NEK7: variants seen among roughly 807,000 people sequenced by gnomAD.
The protein encoded by NEK7 is serine/threonine-protein kinase Nek7.
Under a neutral mutation model 44.6 loss-of-function variants are expected in NEK7, and 18 were observed. That is an observed-to-expected ratio of 0.40 (90% CI 0.28 to 0.60). The LOEUF (loss-of-function observed/expected upper bound fraction) is 0.60, where lower values mean the gene tolerates loss of function less well. NEK7 is among the 20% of genes least tolerant of loss of function. The pLI, the probability that NEK7 is intolerant of heterozygous loss-of-function variation, is 0.38. For synonymous variants in NEK7, 130 were observed against 121.1 expected, an observed-to-expected ratio of 1.07 and a Z score of -0.48; for missense variants, 256 against 366.5, an observed-to-expected ratio of 0.70 and a Z score of 2.46.
chr1:198,160,203 C>T (rs1045868474), intron 1 of NEK7, among the ~76,000 whole-genome samples: 1 of 152,022 alleles, frequency 6.6e-6, no homozygotes, highest in South Asian at 2.1e-4. Flanking sequence ...TTCAGGGTAC[C>T]TGAGAACTGG....
intron 1 of NEK7, among the ~76,000 whole-genome samples, chr1:198,184,537 T>C (rs1664860292): frequency 6.6e-6 from 1 of 152,216 alleles, no homozygotes; most frequent in African/African-American, 2.4e-5. Flanking sequence ...TGATGTTTGA[T>C]TTAATAATTC....
intron 3 of NEK7, among the ~76,000 whole-genome samples, chr1:198,256,799 T>G (rs759844981): frequency 6.6e-6 from 1 of 152,190 alleles, no homozygotes; most frequent in Non-Finnish European, 1.5e-5. Flanking sequence ...GGAAAGAGGC[T>G]TCACAGAGTT....
In NEK7 at chr1:198,297,636, TG is replaced by T. The variant is rs569263466; in HGVS notation, c.798+397del. Among the ~76,000 whole-genome samples the T allele has an allele frequency of 2.0e-5, 3 of 152,338 alleles. No homozygotes were observed. The South Asian group carries it at 6.2e-4, about 32-fold the overall frequency. Reference sequence around the variant, plus strand: ...GTCCCAGACCAGACCAGCACACAGTTGTAATTTTCTATTTTGGCAGAACTTC... The same window carrying T: ...GTCCCAGACCAGACCAGCACACAGTTTAATTTTCTATTTTGGCAGAACTTC... On this transcript the variant is annotated intron_variant, in intron 9 of 9. Transcript: ENST00000367385.
intron 1 of NEK7, among the ~76,000 whole-genome samples, chr1:198,229,999 AT>A (rs1195288404): frequency 6.6e-6 from 1 of 152,210 alleles, no homozygotes; most frequent in Admixed American, 6.5e-5. Flanking sequence ...ACTGTGGGAT[AT>A]TTTAAAATGT....
chr1:198,283,095 C>T (rs967677694), intron 7 of NEK7, among the ~76,000 whole-genome samples: 1 of 152,028 alleles, frequency 6.6e-6, no homozygotes, highest in Non-Finnish European at 1.5e-5. Flanking sequence ...GCATTTCATA[C>T]AAAAGGTGGA....
intron 1 of NEK7, among the ~76,000 whole-genome samples, chr1:198,167,769 C>T (rs1011055113): frequency 2.0e-5 from 3 of 152,170 alleles, no homozygotes; most frequent in Non-Finnish European, 2.9e-5. Flanking sequence ...CTCGACTGCA[C>T]CAGACTTTTC....
chr1:198,317,031 C>T (rs191594697), intron 9 of NEK7, among the ~76,000 whole-genome samples: 3 of 152,224 alleles, frequency 2.0e-5, no homozygotes, highest in Admixed American at 6.5e-5. Flanking sequence ...ATTTTAATTT[C>T]GTAGGTTTTC....
intron 1 of NEK7, among the ~76,000 whole-genome samples, chr1:198,165,359 G>C (rs534693781): frequency 6.6e-6 from 1 of 152,290 alleles, no homozygotes; most frequent in East Asian, 1.9e-4. Flanking sequence ...GACAGCTATA[G>C]ATTTAAGAAA....
At chr1:198,256,254 G>T in intron 3 of NEK7, 1 of 1,423,230 alleles carries the variant, frequency 7.0e-7, no homozygotes, top group Non-Finnish European at 9.2e-7. Flanking sequence ...TCCCTACTTT[G>T]TGCCACTCCA....
chr1:198,160,766 A>G (rs913185230), intron 1 of NEK7, among the ~76,000 whole-genome samples: 4 of 152,172 alleles, frequency 2.6e-5, no homozygotes, highest in African/African-American at 9.6e-5. Context: ...CATTTGTATA[A>G]TATAATGGCA....
At chr1:198,297,261 A>G in intron 9 of NEK7, 21 bp downstream of exon 9, 1 of 1,610,058 alleles carries the variant, frequency 6.2e-7, no homozygotes, top group Non-Finnish European at 8.5e-7. Flanking sequence ...TTCAGCCCAC[A>G]TGTTCTTCTG....
chr1:198,296,960 A>C (rs1654733892), intron 8 of NEK7, among the ~76,000 whole-genome samples, 167 bp from the exon 9 acceptor site: 1 of 152,194 alleles, frequency 6.6e-6, no homozygotes, highest in Admixed American at 6.5e-5. Flanking sequence ...AAGATTTTTA[A>C]CTCTTAATAA....
At position 198,278,997 on chromosome 1, in the gene NEK7, A is replaced by G. The variant is rs138666588; in HGVS notation, c.525A>G (p.Val175=). ...ANVFITATGV[V]KLGDLGLGRF... The stretch of plus-strand genomic sequence containing the variant: ...TGTTCATTACAGCCACTGGGGTGGT[A>G]AAACTTGGAGATCTTGGGCTTGGCC... Residue 175 remains valine (V), a synonymous_variant, in exon 7 of 10, where the codon GTA becomes GTG. Transcript: ENST00000367385. 1.9e-6 allele frequency: 3 copies of G among 1,611,070 alleles called. No homozygotes were observed. Among genetic ancestry groups the G allele is most frequent in the East Asian group, 2.2e-5 (1 of 44,758 alleles).
At chr1:198,173,220 G>A (rs1177669648) in intron 1 of NEK7, among the ~76,000 whole-genome samples, 1 of 152,050 alleles carries the variant, frequency 6.6e-6, no homozygotes, top group African/African-American at 2.4e-5. Context: ...CTTGAGACTG[G>A]GAGTTCAAGA....
At chr1:198,248,303 A>G (rs769399176) in intron 2 of NEK7, among the ~76,000 whole-genome samples, 32 of 152,238 alleles carry the variant, frequency 2.1e-4, no homozygotes, top group Non-Finnish European at 2.5e-4. Context: ...GTCTGACTGT[A>G]GTAGATGTTC....
intron 1 of NEK7, among the ~76,000 whole-genome samples, chr1:198,161,899 A>G (rs1028682022): frequency 6.6e-6 from 1 of 152,064 alleles, no homozygotes; most frequent in Admixed American, 6.5e-5. Flanking sequence ...TTTTAAGCCT[A>G]CTGGTATGAC....
intron 1 of NEK7, among the ~76,000 whole-genome samples, chr1:198,184,514 GGGGATTTATGACTGATGTTTGATT>G (rs1299028498): frequency 2.0e-5 from 3 of 152,108 alleles, no homozygotes; most frequent in Non-Finnish European, 4.4e-5. Flanking sequence ...CAAAGATCTA[GGGGATTTATGACTGATGTTTGATT>G]TAATAATTCT....
At chr1:198,222,900 C>T (rs764189001) in intron 1 of NEK7, among the ~76,000 whole-genome samples, 34 of 151,912 alleles carry the variant, frequency 2.2e-4, no homozygotes, top group Non-Finnish European at 4.0e-4. Context: ...GGATGGGGGC[C>T]GCACACTACT....
chr1:198,177,477 A>G (rs1415519049), intron 1 of NEK7, among the ~76,000 whole-genome samples: 2 of 152,134 alleles, frequency 1.3e-5, no homozygotes, highest in Non-Finnish European at 2.9e-5. Flanking sequence ...GAGACAATGT[A>G]TCACATATGA....
Sources: allele counts gnomAD v4.1 joint callset (sites outside exome capture counted in the v4.1 genomes callset), GRCh38; gene constraint gnomAD v4.1.1; transcripts MANE v1.5; gene names NCBI Gene and HGNC (gene_info 2026-07-23, HGNC 2026-07-21).